The following SPTBN2 variants were observed in gnomAD, a reference collection of about 807,000 sequenced individuals.
SPTBN2 encodes the protein spectrin beta, non-erythrocytic 2, also known as spectrin beta chain, non-erythrocytic 2.
A neutral mutation model predicts 284.2 loss-of-function variants in SPTBN2; 107 were observed. The observed-to-expected ratio is 0.38, with a 90% confidence interval of 0.32 to 0.44. The LOEUF is 0.44. Ranked by LOEUF, SPTBN2 falls within the 20% of genes least tolerant of loss-of-function variation. The pLI is 1.00. For missense variants in SPTBN2, 2,569 were observed against 3,287.1 expected (o/e 0.78, Z 5.34); for synonymous variants, 1,289 against 1,354.8 (o/e 0.95, Z 1.07).
intron 1 of SPTBN2, among the ~76,000 whole-genome samples, chr11:66,743,142 G>A (rs1262045867): frequency 6.6e-6 from 1 of 151,948 alleles, no homozygotes; most frequent in East Asian, 1.9e-4. Context: ...CTCTGCGGGG[G>A]GTGTGGGGGG....
chr11:66,699,994 G>A (rs1371310948), intron 17 of SPTBN2, among the ~76,000 whole-genome samples: 1 of 151,108 alleles, frequency 6.6e-6, no homozygotes, highest in Non-Finnish European at 1.5e-5. Flanking sequence ...GTTTCATTCT[G>A]TGGCCCAGGT....
At chr11:66,728,315 C>T (rs2135597101) in intron 1 of SPTBN2, 1 of 145,008 alleles carries the variant, frequency 6.9e-6, no homozygotes, top group East Asian at 2.0e-4. Flanking sequence ...GCGCAGGCGG[C>T]GCGGGGGGCG....
rs928311812 is a variant in SPTBN2, at chr11:66,700,043, A to G, written c.3574-435T>C. 2.0e-5 allele frequency among the ~76,000 whole-genome samples: 3 copies of G among 151,758 alleles called. No homozygotes were observed. Among genetic ancestry groups the G allele is most frequent in the African/African-American group, 7.3e-5 (3 of 41,294 alleles). ...CATATCATAGCTCACTGCAGCCTCA[A>G]ACTCCTGGCTCCAGTGATCCACCAG... is the stretch of plus-strand genomic sequence containing the variant. On this transcript the variant is annotated intron_variant, in intron 17 of 37. Coordinates refer to ENST00000533211, the MANE Select transcript of SPTBN2 (RefSeq NM_006946.4). This position sits in a 1 kb window ranked among gnomAD's most constrained non-coding sequence, Gnocchi z 6.6.
chr11:66,699,445 G>T lies in SPTBN2; in HGVS notation c.3737C>A (p.Ala1246Asp). Residue 1246 changes from alanine to aspartate, a missense_variant, in exon 18 of 38, where the codon GCC becomes GAC. Ala to Asp is a moderately radical substitution (Grantham distance 126, BLOSUM62 -2). Around this residue, in one of 6 missense-constraint regions of SPTBN2, gnomAD observed 1,012 missense variants for 1,248.9 expected, o/e 0.81. Transcript: ENST00000533211. ...GTCTGCCTTTTCCCGAATCTTGTCG[G>T]CGTGGATGTTGCCTTCAGATACCAG... Reference protein sequence around the residue: ...RQLVSEGNIHADKIREKADSI... With the variant: ...RQLVSEGNIHDDKIREKADSI... 6.2e-7 allele frequency: 1 copy of T among 1,614,086 alleles called. No homozygotes were observed. The highest frequency in any genetic ancestry group is 8.5e-7 in the Non-Finnish European group (1 of 1,180,024).
chr11:66,724,487 C>T (rs1370440804), intron 1 of SPTBN2, among the ~76,000 whole-genome samples: 1 of 152,116 alleles, frequency 6.6e-6, no homozygotes, highest in Non-Finnish European at 1.5e-5. Context: ...CTTCACATAT[C>T]TATGTTACCT....
chr11:66,713,836 A>C (rs1942006936), intron 7 of SPTBN2, 90 bp from the exon 8 acceptor site: 1 of 1,177,378 alleles, frequency 8.5e-7, no homozygotes. Flanking sequence ...TCCCTAAGTC[A>C]CCGACCCAAT....
Position 66,701,036 on chromosome 11 carries a change from C to T in SPTBN2, c.3063G>A (p.Glu1021=), listed in dbSNP as rs770622443. ...GATGGCCGGCAGCCAGGGCATTTGC[C>T]TCTCGAGTCAGTTCGCCCACCCGGG... ...IAARVGELTR[E]ANALAAGHPA... Residue 1021 remains glutamate, a synonymous_variant, in exon 17 of 38, where the codon GAG becomes GAA. Transcript: ENST00000533211. 4 of 1,609,120 alleles carry T rather than the reference C, an allele frequency of 2.5e-6. No homozygotes were observed. In the African/African-American group the frequency reaches 5.3e-5, roughly 21 times the overall value.
In SPTBN2 at chr11:66,734,390, T is replaced by A. The variant is rs1029978848; in HGVS notation, c.-474-5198A>T. Among the ~76,000 whole-genome samples the A allele has an allele frequency of 2.0e-5, 3 of 152,136 alleles. No homozygotes were observed. In the South Asian group the frequency reaches 6.2e-4, roughly 32 times the overall value. On this transcript the variant is annotated intron_variant, in intron 1 of 37. Transcript: ENST00000611817. ...CAAAGTCCAAAGTTCTTAACCAAGT[T>A]TGCACACCCTGCTTACCTCTCCAGC...
intron 1 of SPTBN2, among the ~76,000 whole-genome samples, chr11:66,734,385 C>A (rs77017088): frequency 0.011 from 1,647 of 152,242 alleles, 37 homozygotes; most frequent in African/African-American, 0.037. Context: ...AGTTCTTAAC[C>A]AAGTTTGCAC....
At chr11:66,711,156 A>G in intron 8 of SPTBN2, 127 bp from the exon 9 acceptor site, 1 of 767,682 alleles carries the variant, frequency 1.3e-6, no homozygotes, top group Middle Eastern at 3.3e-4. Flanking sequence ...TTAGAGCAAA[A>G]TGACAACTTA....
Position 66,691,039 on chromosome 11 carries a change from A to C in SPTBN2, c.5565+245T>G, listed in dbSNP as rs1188684439. On this transcript the variant is annotated intron_variant, in intron 27 of 37. Coordinates refer to ENST00000533211, the MANE Select transcript of SPTBN2 (RefSeq NM_006946.4). The surrounding 1 kb of genome is among the most constrained non-coding windows in gnomAD (Gnocchi z 8.0). ...TCCATGTTGGTCAGGCTGGTCTCGA[A>C]CTCCCAATCTCAGATGATCCGCCCT... is the stretch of plus-strand genomic sequence containing the variant. Among the ~76,000 whole-genome samples the C allele has an allele frequency of 6.6e-6, 1 of 152,024 alleles. No individual in the cohort carries two copies. The highest frequency in any genetic ancestry group is 1.5e-5 in the Non-Finnish European group (1 of 68,008).
In SPTBN2 at chr11:66,684,227, G is replaced by C. The variant is rs1330299582; in HGVS notation, c.*1644C>G. 6.6e-6 allele frequency among the ~76,000 whole-genome samples: 1 copy of C among 152,194 alleles called. No homozygotes were observed. The highest frequency in any genetic ancestry group is 1.5e-5 in the Non-Finnish European group (1 of 68,036). On this transcript the variant is annotated 3_prime_UTR_variant, in exon 38 of 38. Transcript: ENST00000533211. ...GCTTTTCCTGTTGGAGGCCACCAAG[G>C]AGTGCCCACTTCCATCAACATCTGG... is the stretch of plus-strand genomic sequence containing the variant.
chr11:66,726,690 G>T (rs1303380569), intron 1 of SPTBN2, among the ~76,000 whole-genome samples: 1 of 152,242 alleles, frequency 6.6e-6, no homozygotes, highest in Admixed American at 6.5e-5. Flanking sequence ...AAACAGCACA[G>T]CGAACCGCAG....
At position 66,701,789 on chromosome 11, in the gene SPTBN2, C is replaced by T. The variant is rs1006650973; in HGVS notation, c.2679-68G>A. ...GATGTGCCCAGTCCACCTAAGTCCA[C>T]CTCTCTTAAACACCCAGGAGGGTGT... On this transcript the variant is annotated intron_variant, in intron 15 of 37. Transcript: ENST00000533211. The T allele has an allele frequency of 3.7e-6, 6 of 1,610,374 alleles. No homozygotes were observed. In the African/African-American group the frequency reaches 6.7e-5, roughly 18 times the overall value.
chr11:66,721,511 T>C (rs1231914884), intron 1 of SPTBN2, 71 bp from the exon 2 acceptor site: 4 of 514,052 alleles, frequency 7.8e-6, no homozygotes, highest in South Asian at 2.0e-5. Flanking sequence ...AGCAATGCGG[T>C]GGTCAGGAAA....
At chr11:66,701,317 G>C in intron 16 of SPTBN2, 35 bp from the exon 17 acceptor site, 1 of 1,607,782 alleles carries the variant, frequency 6.2e-7, no homozygotes, top group Non-Finnish European at 8.5e-7. Context: ...TTCCTGCCCT[G>C]GCCAGGCCTG....
rs780176754 is a variant in SPTBN2 at position 66,704,774 on chromosome 11, G to A, written c.2502C>T (p.Tyr834=). 36 of 1,603,694 alleles carry A rather than the reference G, an allele frequency of 2.2e-5. No homozygotes were observed. Among genetic ancestry groups the A allele is most frequent in the South Asian group, 4.4e-5 (4 of 90,642 alleles). ...QSRVPTLERH[Y]EELQARAGER... Reference sequence around the variant, plus strand: ...CGCCTGCCCGGGCCTGCAGCTCCTCGTAGTGCCGCTCCAGGGTGGGCACCC... The same window carrying A: ...CGCCTGCCCGGGCCTGCAGCTCCTCATAGTGCCGCTCCAGGGTGGGCACCC... The change falls in exon 15 of 38, where the codon TAC becomes TAT. Residue 834 remains tyrosine, a synonymous_variant. Coordinates refer to ENST00000533211, the MANE Select transcript of SPTBN2 (RefSeq NM_006946.4).
At chr11:66,741,912 C>T (rs1249943203) in intron 1 of SPTBN2, among the ~76,000 whole-genome samples, 6 of 152,050 alleles carry the variant, frequency 3.9e-5, no homozygotes, top group African/African-American at 1.2e-4. Context: ...ACCTCCAACT[C>T]GAGGGGCTCG....
intron 1 of SPTBN2, among the ~76,000 whole-genome samples, chr11:66,724,276 A>G (rs929101614): frequency 5.3e-5 from 8 of 152,198 alleles, no homozygotes; most frequent in Admixed American, 2.0e-4. Flanking sequence ...ACAAAAAATC[A>G]GCTGGGCATG....
Sources: allele counts gnomAD v4.1 joint callset (sites outside exome capture counted in the v4.1 genomes callset), GRCh38; gene constraint gnomAD v4.1.1; regional missense constraint gnomAD v4.1.1; non-coding constraint Gnocchi (gnomAD v3.1); transcripts MANE v1.5; gene names NCBI Gene and HGNC (gene_info 2026-07-23, HGNC 2026-07-21).